Variants in ROBO2 observed in about 807,000 individuals in gnomAD.
ROBO2 encodes the protein roundabout homolog 2.
ROBO2 carries 53 observed loss-of-function variants against 160.8 expected under a neutral mutation model. The observed-to-expected ratio is 0.33, with a 90% confidence interval of 0.26 to 0.41. The LOEUF is 0.41. Among genes scored for constraint, ROBO2 ranks in the 10% least tolerant of loss-of-function variants. The pLI is 1.00. For missense variants in ROBO2, 1,577 were observed against 1,722.4 expected (o/e 0.92, Z 1.49); for synonymous variants, 664 against 611.7 (o/e 1.09, Z -1.26).
intron 2 of ROBO2, among the ~76,000 whole-genome samples, chr3:76,064,216 A>G (rs2068165661): frequency 6.6e-6 from 1 of 152,178 alleles, no homozygotes; most frequent in Non-Finnish European, 1.5e-5. Context: ...GACCCATGGA[A>G]AATGAAATAA....
At chr3:77,524,402 C>G (rs960337264) in intron 6 of ROBO2, among the ~76,000 whole-genome samples, 1 of 151,244 alleles carries the variant, frequency 6.6e-6, no homozygotes, top group African/African-American at 2.4e-5. Context: ...CATATGTTTG[C>G]TAGGCAGCTT....
In ROBO2 at chr3:77,136,615, C is replaced by T. The variant is rs1055011938; in HGVS notation, c.388+38275C>T. Among the ~76,000 whole-genome samples, 4 of 147,542 alleles carry T rather than the reference C, an allele frequency of 2.7e-5. No individual in the cohort carries two copies. In the Admixed American group the frequency reaches 2.8e-4, roughly 10 times the overall value. ...TCAGCGTCCCCAGTAGCTGGGATTA[C>T]AAGCATGTGCCACTACACCCAATTA... On this transcript the variant is annotated intron_variant, in intron 2 of 25. Transcript: ENST00000461745.
intron 2 of ROBO2, among the ~76,000 whole-genome samples, chr3:77,173,846 G>C (rs1434705932): frequency 2.0e-5 from 3 of 152,048 alleles, no homozygotes; most frequent in Admixed American, 6.6e-5. Context: ...CATGAGGTTA[G>C]AAACTACAAC....
intron 2 of ROBO2, among the ~76,000 whole-genome samples, chr3:77,150,270 T>C (rs569706452): frequency 6.6e-6 from 1 of 152,292 alleles, no homozygotes; most frequent in African/African-American, 2.4e-5. Context: ...AGTTAAAATG[T>C]CTTTTAGTGG....
At chr3:77,637,902 CT>C (rs140781746) in intron 24 of ROBO2, among the ~76,000 whole-genome samples, 19,562 of 152,054 alleles carry the variant, frequency 0.13, 1,339 homozygotes, top group Admixed American at 0.17. Context: ...CAATATATTG[CT>C]TATCTTTCTA....
chr3:77,027,188 G>C (rs1456154053), intron 2 of ROBO2, among the ~76,000 whole-genome samples: 2 of 152,150 alleles, frequency 1.3e-5, no homozygotes, highest in Non-Finnish European at 2.9e-5. Context: ...TAATGTAGAA[G>C]CCTGACAAAC....
intron 23 of ROBO2, chr3:77,629,097 A>T (rs987429511): frequency 3.9e-5 from 6 of 152,264 alleles, no homozygotes; most frequent in African/African-American, 1.2e-4. Context: ...AAAGGCTGGG[A>T]GAAAGGCAGA....
At chr3:76,877,595 G>C (rs1343985837) in intron 2 of ROBO2, among the ~76,000 whole-genome samples, 1 of 152,142 alleles carries the variant, frequency 6.6e-6, no homozygotes, top group Non-Finnish European at 1.5e-5. Context: ...GTTCCACTTT[G>C]TATCTTCGAA....
intron 2 of ROBO2, among the ~76,000 whole-genome samples, chr3:76,410,933 A>G (rs4089172): frequency 0.3 from 45,371 of 151,956 alleles, 8,307 homozygotes; most frequent in African/African-American, 0.5. Context: ...AACTGTTGTC[A>G]TGGCTCAACA....
At chr3:76,145,149 GT>G (rs1423770718) in intron 2 of ROBO2, among the ~76,000 whole-genome samples, 3 of 151,834 alleles carry the variant, frequency 2.0e-5, no homozygotes, top group South Asian at 4.1e-4. Context: ...TATTTGGAGA[GT>G]TGATGAAAAC....
chr3:77,172,279 G>A (rs550157635), intron 2 of ROBO2, among the ~76,000 whole-genome samples: 1 of 152,180 alleles, frequency 6.6e-6, no homozygotes, highest in East Asian at 1.9e-4. Flanking sequence ...TTTCATAATT[G>A]GTCACTGTAG....
At chr3:77,192,379 A>G (rs1047106576) in intron 2 of ROBO2, among the ~76,000 whole-genome samples, 14 of 152,148 alleles carry the variant, frequency 9.2e-5, no homozygotes, top group African/African-American at 3.1e-4. Context: ...CTACTTTGCC[A>G]TGTTTTTTAT....
intron 24 of ROBO2, among the ~76,000 whole-genome samples, chr3:77,639,256 A>G (rs1721176): frequency 6.6e-6 from 1 of 152,172 alleles, no homozygotes; most frequent in Non-Finnish European, 1.5e-5. Context: ...AATACTTATT[A>G]AGTATATAAC....
At chr3:77,016,116 A>G (rs1220847081) in intron 2 of ROBO2, among the ~76,000 whole-genome samples, 2 of 152,092 alleles carry the variant, frequency 1.3e-5, no homozygotes, top group African/African-American at 4.8e-5. Context: ...AGCTGGGACT[A>G]CAGGCGCCCG....
chr3:76,419,552 A>G (rs1280572365), intron 2 of ROBO2, among the ~76,000 whole-genome samples: 1 of 152,106 alleles, frequency 6.6e-6, no homozygotes, highest in East Asian at 1.9e-4. Context: ...TAAATGAACT[A>G]CCTGTATATC....
chr3:76,322,927 A>G (rs2072687823), intron 2 of ROBO2, among the ~76,000 whole-genome samples: 1 of 152,142 alleles, frequency 6.6e-6, no homozygotes, highest in African/African-American at 2.4e-5. Context: ...TAACAGAGAC[A>G]CTGAATTTCT....
intron 2 of ROBO2, among the ~76,000 whole-genome samples, chr3:76,332,053 T>G (rs1337625999): frequency 2.6e-5 from 4 of 152,160 alleles, no homozygotes; most frequent in Non-Finnish European, 5.9e-5. Flanking sequence ...CAGGAAAACA[T>G]TTGAGATTAT....
chr3:77,574,762 C>T (rs1358421698), intron 14 of ROBO2, 32 bp downstream of exon 15: 1 of 1,506,498 alleles, frequency 6.6e-7, no homozygotes, highest in African/African-American at 1.4e-5. Flanking sequence ...ATAAATCAAA[C>T]ATGATGAAAC....
chr3:77,303,441 A>G (rs1285770116), intron 2 of ROBO2, among the ~76,000 whole-genome samples: 1 of 152,160 alleles, frequency 6.6e-6, no homozygotes, highest in East Asian at 1.9e-4. Flanking sequence ...TTCCTGTGTG[A>G]AATATAAGTA....
Sources: gnomAD v4.1 joint callset for allele counts (sites outside exome capture counted in the v4.1 genomes callset) on GRCh38, gnomAD v4.1.1 for gene constraint, MANE v1.5 for transcripts, NCBI Gene and HGNC (gene_info 2026-07-23, HGNC 2026-07-21) for gene names.